Variants in TFDP1 observed in about 807,000 individuals in gnomAD.
TFDP1 encodes the protein transcription factor Dp-1.
In TFDP1, 6 loss-of-function variants were observed where a neutral mutation model predicts 48.0. The ratio of observed to expected loss-of-function variants is 0.13; its 90% CI spans 0.07 to 0.25. The LOEUF (loss-of-function observed/expected upper bound fraction) is 0.25. TFDP1 is among the 10% of genes least tolerant of loss of function. The pLI, the probability that TFDP1 is intolerant of heterozygous loss-of-function variation, is 1.00. For missense variants in TFDP1, 335 were observed against 543.0 expected (o/e 0.62, Z 3.81); for synonymous variants, 201 against 211.6 (o/e 0.95, Z 0.44).
intron 2 of TFDP1, among the ~76,000 whole-genome samples, chr13:113,587,003 A>G (rs1029590777): frequency 1.6e-4 from 25 of 152,248 alleles, no homozygotes; most frequent in Non-Finnish European, 3.5e-4. Context: ...ACATCTCCTC[A>G]TGGTGAGGAG....
At chr13:113,620,161 G>A (rs908610497) in intron 3 of TFDP1, among the ~76,000 whole-genome samples, 1 of 152,224 alleles carries the variant, frequency 6.6e-6, no homozygotes, top group African/African-American at 2.4e-5. Flanking sequence ...GCCGGCCTGT[G>A]GGTGGAGCAG....
intron 10 of TFDP1, 101 bp downstream of exon 10, chr13:113,636,801 C>A: frequency 7.2e-7 from 1 of 1,388,538 alleles, no homozygotes. Flanking sequence ...TTGCTGAGAT[C>A]AGGCCCACGT....
intron 2 of TFDP1, among the ~76,000 whole-genome samples, chr13:113,599,414 A>G (rs2048357492): frequency 6.6e-6 from 1 of 152,202 alleles, no homozygotes; most frequent in Non-Finnish European, 1.5e-5. Context: ...AGTTGTCTCA[A>G]ATTTGGAAAG....
rs550717308 is a variant in TFDP1 at position 113,640,952 on chromosome 13, T to C, written c.*685T>C. On this transcript the variant is annotated 3_prime_UTR_variant, in exon 12 of 12. Coordinates refer to ENST00000375370, the MANE Select transcript of TFDP1 (RefSeq NM_007111.5). ...TTTGTTTTCGTTTGGTTAAAGCTTATTGCCATGCTGGTGCGGCTATGGAGA... is the reference window on the plus strand; with the variant it reads ...TTTGTTTTCGTTTGGTTAAAGCTTACTGCCATGCTGGTGCGGCTATGGAGA... 61 of 152,966 alleles carry C rather than the reference T, an allele frequency of 4.0e-4. No homozygotes were observed. The highest frequency in any genetic ancestry group is 1.3e-3 in the African/African-American group (56 of 41,586). 9.5% of individuals were successfully genotyped at this position (152,966 alleles called of 1,614,324 possible). A position where few individuals can be genotyped will look rare whatever the true frequency, so the allele number is the denominator to read the frequency against.
intron 3 of TFDP1, among the ~76,000 whole-genome samples, chr13:113,615,021 G>A (rs951582938): frequency 6.6e-6 from 1 of 152,170 alleles, no homozygotes; most frequent in Non-Finnish European, 1.5e-5. Flanking sequence ...AGGTTGACAC[G>A]TAAAACTGAC....
intron 2 of TFDP1, among the ~76,000 whole-genome samples, chr13:113,587,744 G>T (rs967200080): frequency 6.6e-6 from 1 of 152,108 alleles, no homozygotes; most frequent in Non-Finnish European, 1.5e-5. Flanking sequence ...CCTTACAGGC[G>T]TGAGCCACCG....
intron 2 of TFDP1, among the ~76,000 whole-genome samples, chr13:113,608,973 T>C (rs1266886815): frequency 6.6e-6 from 1 of 152,232 alleles, no homozygotes; most frequent in Non-Finnish European, 1.5e-5. Context: ...CCAGGACATC[T>C]AGCGTCTCAC....
intron 11 of TFDP1, among the ~76,000 whole-genome samples, chr13:113,639,026 AGT>A (rs1190704748): frequency 6.6e-6 from 1 of 152,174 alleles, no homozygotes; most frequent in Non-Finnish European, 1.5e-5. Flanking sequence ...CAGCTCTGGA[AGT>A]GCAAAGCCAG....
Position 113,585,748 on chromosome 13 carries a change from CTTACTT to C in TFDP1, c.-64-23_-64-18del. On this transcript the variant is annotated intron_variant, in intron 1 of 11. Transcript: ENST00000375370. ...CATTCTTACTTATTTCTTGTTTTTCCTTACTTTTTTTTTTTTTTTTACCAGAAAAAT... is the reference window on the plus strand; with the variant it reads ...CATTCTTACTTATTTCTTGTTTTTCCTTTTTTTTTTTTTTACCAGAAAAAT... 5.8e-6 allele frequency: 7 copies of C among 1,210,174 alleles called. No individual in the cohort carries two copies. The African/African-American group carries it at 6.9e-5, about 12-fold the overall frequency. 75.0% of individuals were successfully genotyped at this position (1,210,174 alleles called of 1,614,324 possible).
At chr13:113,588,477 A>G (rs1349889752) in intron 2 of TFDP1, among the ~76,000 whole-genome samples, 1 of 152,236 alleles carries the variant, frequency 6.6e-6, no homozygotes, top group Non-Finnish European at 1.5e-5. Context: ...GGAAAAGGCC[A>G]CAAATGGCTC....
At position 113,637,844 on chromosome 13, in the gene TFDP1, G is replaced by T. The variant is rs748330884; in HGVS notation, c.1033G>T (p.Val345Leu). ...AATGGCTCAGGGAACTGTTGGAGGCGTGTTCATCACGACGGCAGGTTCCAC... is the reference window on the plus strand; with the variant it reads ...AATGGCTCAGGGAACTGTTGGAGGCTTGTTCATCACGACGGCAGGTTCCAC... ...TEMAQGTVGG[V>L]FITTAGSTSN... Residue 345 changes from valine to leucine, a missense_variant, in exon 11 of 12, where the codon GTG (valine) becomes TTG (leucine). By Grantham distance (32) the Val-to-Leu change is conservative. Transcript: ENST00000375370. 4.3e-6 allele frequency: 7 copies of T among 1,614,210 alleles called. No individual in the cohort carries two copies. Among genetic ancestry groups the T allele is most frequent in the Admixed American group, 1.7e-5 (1 of 60,030 alleles).
chr13:113,585,344 C>G (rs1426529812), intron 1 of TFDP1: 3 of 151,866 alleles, frequency 2.0e-5, no homozygotes, highest in Non-Finnish European at 2.9e-5. Flanking sequence ...TCAGAGTTAC[C>G]GGTCAGCCGG....
Position 113,636,558 on chromosome 13 carries a change from C to A in TFDP1, c.864C>A (p.Asp288Glu). 1 of 1,614,112 alleles carries A rather than the reference C, an allele frequency of 6.2e-7. No individual in the cohort carries two copies. Among genetic ancestry groups the A allele is most frequent in the Non-Finnish European group, 8.5e-7 (1 of 1,180,046 alleles). ...GATTTGAGTATCTGTTTAATTTTGA[C>A]AACACATTTGAAATCCACGATGACA... ...NDKFEYLFNF[D>E]NTFEIHDDIE... Residue 288 changes from aspartate to glutamate, a missense_variant, in exon 10 of 12, where the codon GAC becomes GAA. Physicochemically the swap from Asp to Glu is conservative, Grantham distance 45. Coordinates refer to ENST00000375370, the MANE Select transcript of TFDP1 (RefSeq NM_007111.5).
intron 3 of TFDP1, among the ~76,000 whole-genome samples, chr13:113,620,661 A>C (rs1399883599): frequency 1.3e-5 from 2 of 152,264 alleles, no homozygotes; most frequent in Non-Finnish European, 2.9e-5. Flanking sequence ...ATGTGCATCC[A>C]ATCATCACTG....
intron 2 of TFDP1, among the ~76,000 whole-genome samples, chr13:113,595,892 C>A (rs1440533282): frequency 6.6e-6 from 1 of 152,202 alleles, no homozygotes; most frequent in Admixed American, 6.5e-5. Context: ...ACCATCCTGG[C>A]TAACATGGTG....
chr13:113,611,165 C>T lies in TFDP1; in HGVS notation c.79+103C>T, dbSNP rs993317847. 6.8e-6 allele frequency: 8 copies of T among 1,171,910 alleles called. No individual in the cohort carries two copies. The African/African-American group carries it at 1.1e-4, about 16-fold the overall frequency. 72.6% of individuals were successfully genotyped at this position (1,171,910 alleles called of 1,614,324 possible). ...TGAAGCCTCTTGCTAATGATGGCATCTCCTGCATGGGCACCTTTGTGCTCC... is the reference window on the plus strand; with the variant it reads ...TGAAGCCTCTTGCTAATGATGGCATTTCCTGCATGGGCACCTTTGTGCTCC... On this transcript the variant is annotated intron_variant, in intron 3 of 11. Coordinates refer to ENST00000375370, the MANE Select transcript of TFDP1 (RefSeq NM_007111.5).
At chr13:113,637,978 G>A in intron 11 of TFDP1, 82 bp downstream of exon 11, 2 of 1,552,624 alleles carry the variant, frequency 1.3e-6, no homozygotes, top group South Asian at 1.2e-5. Flanking sequence ...AGCCGTCTCA[G>A]GTGTGGCCAT....
intron 8 of TFDP1, among the ~76,000 whole-genome samples, chr13:113,634,886 T>C (rs2049440534): frequency 6.6e-6 from 1 of 151,718 alleles, no homozygotes; most frequent in Non-Finnish European, 1.5e-5. Context: ...TGCGTGTGCA[T>C]GTGTGTGCGT....
intron 2 of TFDP1, among the ~76,000 whole-genome samples, chr13:113,596,635 T>C (rs1356164502): frequency 1.3e-5 from 2 of 152,236 alleles, no homozygotes; most frequent in African/African-American, 4.8e-5. Context: ...AGGCCAGCGG[T>C]GGAGTCGGCT....
Sources: allele counts gnomAD v4.1 joint callset (sites outside exome capture counted in the v4.1 genomes callset), GRCh38; gene constraint gnomAD v4.1.1; transcripts MANE v1.5; gene names NCBI Gene and HGNC (gene_info 2026-07-23, HGNC 2026-07-21).